VPS13A: variants seen among roughly 807,000 people sequenced by gnomAD.
VPS13A encodes the protein vacuolar protein sorting 13 homolog A, also known as intermembrane lipid transfer protein VPS13A.
A neutral mutation model predicts 390.9 loss-of-function variants in VPS13A; 264 were observed. That is an observed-to-expected ratio of 0.68 (90% CI 0.61 to 0.75). The LOEUF (loss-of-function observed/expected upper bound fraction) is 0.75, where lower values mean the gene tolerates loss of function less well. VPS13A is among the 30% of genes least tolerant of loss of function. VPS13A has a pLI of 0.00. For synonymous variants in VPS13A, 1,231 were observed against 1,227.1 expected, an observed-to-expected ratio of 1.00 and a Z score of -0.07; for missense variants, 3,409 against 3,733.9, an observed-to-expected ratio of 0.91 and a Z score of 2.27.
At chr9:77,184,152 A>G (rs1824187941) in intron 1 of VPS13A, among the ~76,000 whole-genome samples, 1 of 152,238 alleles carries the variant, frequency 6.6e-6, no homozygotes, top group Non-Finnish European at 1.5e-5. Flanking sequence ...ACACACATGT[A>G]ACTCAAACCC....
At chr9:77,253,983 C>T (rs1159624274) in intron 22 of VPS13A, among the ~76,000 whole-genome samples, 1 of 138,360 alleles carries the variant, frequency 7.2e-6, no homozygotes, top group Non-Finnish European at 1.5e-5. Flanking sequence ...CTCGCTGTCG[C>T]CCAGGCTGGA....
At chr9:77,348,710 A>G (rs1187960558) in intron 52 of VPS13A, among the ~76,000 whole-genome samples, 1 of 151,742 alleles carries the variant, frequency 6.6e-6, no homozygotes, top group Non-Finnish European at 1.5e-5. Context: ...GCACCTTTAC[A>G]TATGTAGATT....
At chr9:77,184,657 TG>T (rs1343222300) in intron 1 of VPS13A, among the ~76,000 whole-genome samples, 3 of 152,144 alleles carry the variant, frequency 2.0e-5, no homozygotes, top group African/African-American at 7.2e-5. Context: ...TTTTGTCAAA[TG>T]TTTTTTTCTG....
chr9:77,416,114 T>C lies in VPS13A; in HGVS notation c.*108T>C. On this transcript the variant is annotated 3_prime_UTR_variant, in exon 72 of 72. Coordinates refer to ENST00000360280, the MANE Select transcript of VPS13A (RefSeq NM_033305.3). ...TACAGAAATGATTTCAAGTACCCTGTATTCTGGATGCTAAAAAACAAAAAC... is the reference window on the plus strand; with the variant it reads ...TACAGAAATGATTTCAAGTACCCTGCATTCTGGATGCTAAAAAACAAAAAC... 1 of 1,290,544 alleles carries C rather than the reference T, an allele frequency of 7.7e-7. No homozygotes were observed. Among genetic ancestry groups the C allele is most frequent in the Non-Finnish European group, 1.1e-6 (1 of 914,742 alleles). The allele number at this position is 1,290,544 out of a possible 1,614,324, so 79.9% of individuals were successfully genotyped here.
At chr9:77,380,828 C>G (rs1226844282) in intron 67 of VPS13A, among the ~76,000 whole-genome samples, 1 of 152,174 alleles carries the variant, frequency 6.6e-6, no homozygotes, top group Non-Finnish European at 1.5e-5. Flanking sequence ...CTACCTAGAT[C>G]CCTTGCATGT....
rs1222620814 is a variant in VPS13A at position 77,415,957 on chromosome 9, G to T, written c.9476G>T (p.Trp3159Leu). ...INFKTPEDAR[W>L]ILTKLQEARE... is the part of the protein sequence containing the mutation. ...TGTTCATTTATTTTCCCACCGCAGT[G>T]GATCCTCACAAAGCTACAAGAAGCA... The change falls in exon 72 of 72, where the codon TGG (tryptophan) becomes TTG (leucine). Residue 3159 changes from tryptophan (W) to leucine (L), a missense_variant and splice_region_variant. Around this residue, in one of 5 missense-constraint regions of VPS13A, gnomAD observed 318 missense variants for 333.7 expected, o/e 0.95. Coordinates refer to ENST00000360280, the MANE Select transcript of VPS13A (RefSeq NM_033305.3). 1 of 1,613,268 alleles carries T rather than the reference G, an allele frequency of 6.2e-7. No homozygotes were observed.
At chr9:77,202,041 A>T (rs1397390743) in intron 3 of VPS13A, among the ~76,000 whole-genome samples, 1 of 152,040 alleles carries the variant, frequency 6.6e-6, no homozygotes, top group Non-Finnish European at 1.5e-5. Flanking sequence ...TGGGACTTGG[A>T]GATATTTTTG....
Position 77,403,335 on chromosome 9 carries a change from T to C in VPS13A, c.9275+14T>C, listed in dbSNP as rs1416371771. 3 of 1,600,160 alleles carry C rather than the reference T, an allele frequency of 1.9e-6. No homozygotes were observed. Among genetic ancestry groups the C allele is most frequent in the Non-Finnish European group, 2.6e-6 (3 of 1,170,578 alleles). ...GATAACCAGACGGTAACTTGCTTTCTTTCTCTTACGTAATTTTATAAGGGG... is the reference window on the plus strand; with the variant it reads ...GATAACCAGACGGTAACTTGCTTTCCTTCTCTTACGTAATTTTATAAGGGG... On this transcript the variant is annotated intron_variant, in intron 69 of 71. Coordinates refer to ENST00000360280, the MANE Select transcript of VPS13A (RefSeq NM_033305.3).
At chr9:77,216,691 G>C (rs574821041) in intron 10 of VPS13A, among the ~76,000 whole-genome samples, 2 of 152,230 alleles carry the variant, frequency 1.3e-5, no homozygotes, top group East Asian at 3.9e-4. Context: ...AATAGGACAG[G>C]TGTATATTTA....
chr9:77,249,332 G>T (rs934361045), intron 20 of VPS13A, among the ~76,000 whole-genome samples: 3 of 152,162 alleles, frequency 2.0e-5, no homozygotes, highest in Non-Finnish European at 1.5e-5. Context: ...ATTTTATTCA[G>T]TTGTTTCAAG....
At chr9:77,238,525 T>C in intron 19 of VPS13A, 139 bp downstream of exon 19, 1 of 741,354 alleles carries the variant, frequency 1.3e-6, no homozygotes, top group East Asian at 2.7e-5. Context: ...GAAACTAATT[T>C]AGTACTTTTA....
In VPS13A at chr9:77,369,295, T is replaced by G; in HGVS notation, c.8554-4T>G. ...ATTGATTAATGTTCATATTTTATTT[T>G]TAGGCCATTAAGCAGATGTATGTAC... On this transcript the variant is annotated splice_polypyrimidine_tract_variant and splice_region_variant and intron_variant, in intron 62 of 71. Coordinates refer to ENST00000360280, the MANE Select transcript of VPS13A (RefSeq NM_033305.3). 6.3e-7 allele frequency: 1 copy of G among 1,590,308 alleles called. No individual in the cohort carries two copies. The highest frequency in any genetic ancestry group is 8.6e-7 in the Non-Finnish European group (1 of 1,158,326).
chr9:77,376,815 TCAC>T (rs2131601847), intron 67 of VPS13A, among the ~76,000 whole-genome samples: 1 of 152,154 alleles, frequency 6.6e-6, no homozygotes, highest in South Asian at 2.1e-4. Flanking sequence ...TTGGATGAGA[TCAC>T]CAAGGGAATG....
intron 10 of VPS13A, among the ~76,000 whole-genome samples, chr9:77,215,883 C>T (rs1455597859): frequency 6.6e-6 from 1 of 152,220 alleles, no homozygotes; most frequent in East Asian, 1.9e-4. Flanking sequence ...TCTCTGAATG[C>T]ACTCCAGTAC....
At chr9:77,385,923 G>GA (rs1174485229) in intron 68 of VPS13A, among the ~76,000 whole-genome samples, 21 of 151,796 alleles carry the variant, frequency 1.4e-4, no homozygotes, top group South Asian at 6.2e-4. Context: ...AAAAAAAACT[G>GA]AAAAAAATCA....
Position 77,260,188 on chromosome 9 carries a change from A to G in VPS13A, c.2391A>G (p.Pro797=), listed in dbSNP as rs73466058. ...ELIESIPKPE[P]VTEVSAPVKS... is the part of the protein sequence containing the mutation. ...TTGAAAGCATTCCAAAACCTGAACC[A>G]GTAACTGAAGTATCTGCCCCTGTCA... is the stretch of plus-strand genomic sequence containing the variant. Residue 797 remains proline, a synonymous_variant, in exon 23 of 72, where the codon CCA becomes CCG. Coordinates refer to ENST00000360280, the MANE Select transcript of VPS13A (RefSeq NM_033305.3). 2.4e-3 allele frequency: 3,847 copies of G among 1,613,398 alleles called. 90 individuals carry two copies. The African/African-American group carries it at 0.045, about 19-fold the overall frequency.
intron 24 of VPS13A, among the ~76,000 whole-genome samples, chr9:77,274,201 G>A (rs1428009476): frequency 1.3e-5 from 2 of 151,998 alleles, no homozygotes; most frequent in African/African-American, 4.8e-5. Context: ...AGGCCAAGGC[G>A]GGCGGATCAT....
At chr9:77,209,371 T>A in intron 5 of VPS13A, 52 bp from the exon 6 acceptor site, 2 of 1,269,780 alleles carry the variant, frequency 1.6e-6, no homozygotes, top group Non-Finnish European at 2.3e-6. Context: ...TGTGGATATT[T>A]ATAGAGTATA....
rs1823124414 is a variant in VPS13A, at chr9:77,220,290, T to C, written c.896T>C (p.Met299Thr). 1 of 1,609,336 alleles carries C rather than the reference T, an allele frequency of 6.2e-7. No individual in the cohort carries two copies. Among genetic ancestry groups the C allele is most frequent in the Non-Finnish European group, 8.5e-7 (1 of 1,176,494 alleles). ...TCCATTCTTTAGTATTTCAGTATTA[T>C]GGAGCTTCTTGAATCAGTTGATATG... ...EFNKPQYFSI[M>T]ELLESVDMMA... Residue 299 changes from methionine (M) to threonine (T), a missense_variant, in exon 12 of 72, where the codon ATG (methionine) becomes ACG (threonine). This residue lies in a region of VPS13A where 2,717 missense variants were observed against 2,917.4 expected (regional missense o/e 0.93). Transcript: ENST00000360280.
Sources: allele counts gnomAD v4.1 joint callset (sites outside exome capture counted in the v4.1 genomes callset), GRCh38; gene constraint gnomAD v4.1.1; regional missense constraint gnomAD v4.1.1; transcripts MANE v1.5; gene names NCBI Gene and HGNC (gene_info 2026-07-23, HGNC 2026-07-21).